IQUB: variants seen among roughly 807,000 people sequenced by gnomAD.
IQUB encodes IQ motif and ubiquitin-like domain-containing protein.
Under a neutral mutation model 86.4 loss-of-function variants are expected in IQUB, and 86 were observed. The ratio of observed to expected loss-of-function variants is 1.00; its 90% CI spans 0.84 to 1.19. The LOEUF is 1.19. Among genes scored for constraint, IQUB ranks in the 50% most tolerant of loss-of-function variants. The pLI is 0.00. For synonymous variants in IQUB, 289 were observed against 304.5 expected, an observed-to-expected ratio of 0.95 and a Z score of 0.53; for missense variants, 946 against 916.9, an observed-to-expected ratio of 1.03 and a Z score of -0.41.
chr7:123,476,309 T>C (rs1794742600), intron 8 of IQUB, among the ~76,000 whole-genome samples: 1 of 152,110 alleles, frequency 6.6e-6, no homozygotes, highest in Non-Finnish European at 1.5e-5. Flanking sequence ...TCTGAGCTTG[T>C]TTCAGGGTCA....
intron 7 of IQUB, among the ~76,000 whole-genome samples, chr7:123,483,651 G>A (rs1414403101): frequency 2.0e-5 from 3 of 151,988 alleles, no homozygotes; most frequent in African/African-American, 7.2e-5. Context: ...CTCCTTGGCT[G>A]GACATACTAT....
intron 1 of IQUB, among the ~76,000 whole-genome samples, chr7:123,515,898 C>T (rs12535069): frequency 0.8 from 121,166 of 152,046 alleles, 48,309 homozygotes; most frequent in Admixed American, 0.82. Context: ...GGTTAGAAAA[C>T]ATACCAAAGC....
intron 11 of IQUB, among the ~76,000 whole-genome samples, chr7:123,459,082 G>C (rs940008180): frequency 2.6e-5 from 4 of 151,794 alleles, no homozygotes. Context: ...CAATTACAAG[G>C]GGGGGGAAGC....
chr7:123,455,411 C>T (rs1403078901), intron 12 of IQUB, among the ~76,000 whole-genome samples: 1 of 152,080 alleles, frequency 6.6e-6, no homozygotes, highest in East Asian at 1.9e-4. Flanking sequence ...TTCTACATTA[C>T]ATTTTTTATT....
chr7:123,503,352 T>A lies in IQUB; in HGVS notation c.544A>T (p.Lys182Ter). ...TGTTGTACTAGAGTCTCATTATTTT[T>A]AAGAATTTTTCCTAAAAATTGAAAT... is the stretch of plus-strand genomic sequence containing the variant. Reference protein sequence around the residue: ...LQIRYSGKILKNNETLVQHGV... With the variant: ...LQIRYSGKIL Residue 182 changes from lysine (K) to a stop codon, truncating the protein, a stop_gained, in exon 4 of 13, where the codon AAA (lysine) becomes TAA (stop). Coordinates refer to ENST00000324698, the MANE Select transcript of IQUB (RefSeq NM_178827.5). LOFTEE classifies it high-confidence loss of function. 1 of 1,504,264 alleles carries A rather than the reference T, an allele frequency of 6.6e-7. No homozygotes were observed. Among genetic ancestry groups the A allele is most frequent in the Non-Finnish European group, 9.0e-7 (1 of 1,115,484 alleles). The allele number at this position is 1,504,264 out of a possible 1,614,324, so 93.2% of individuals were successfully genotyped here.
chr7:123,501,001 G>A lies in IQUB; in HGVS notation c.1023+1596C>T, dbSNP rs541852495. 1.2e-4 allele frequency: 18 copies of A among 152,154 alleles called. No homozygotes were observed. In the East Asian group the frequency reaches 3.3e-3, roughly 28 times the overall value. 9.4% of individuals were successfully genotyped at this position (152,154 alleles called of 1,614,324 possible). A position where few individuals can be genotyped will look rare whatever the true frequency, so the allele number is the denominator to read the frequency against. ...CTCTTACTAAGATTGCAATCTCATT[G>A]AGGAGCAATGATATGCTACTTTAAA... On this transcript the variant is annotated intron_variant, in intron 6 of 12. Coordinates refer to ENST00000324698, the MANE Select transcript of IQUB (RefSeq NM_178827.5).
chr7:123,481,806 T>C lies in IQUB; in HGVS notation c.1235-1836A>G, dbSNP rs79587552. On this transcript the variant is annotated intron_variant, in intron 7 of 12. Coordinates refer to ENST00000324698, the MANE Select transcript of IQUB (RefSeq NM_178827.5). ...TCACTGCAGAAGATAGTAACAACTA[T>C]GAGTTTATGCAAAAAAAGAAAAAAT... 8.8e-3 allele frequency among the ~76,000 whole-genome samples: 1,344 copies of C among 152,152 alleles called. 19 individuals carry two copies. Among genetic ancestry groups the C allele is most frequent in the African/African-American group, 0.03 (1,255 of 41,528 alleles).
At chr7:123,471,630 T>C (rs937007197) in intron 8 of IQUB, among the ~76,000 whole-genome samples, 18 of 146,126 alleles carry the variant, frequency 1.2e-4, no homozygotes, top group Admixed American at 1.1e-3. Flanking sequence ...TTAACTCTGT[T>C]TTCCCCCCCA....
At chr7:123,462,490 C>A (rs559482815) in intron 10 of IQUB, among the ~76,000 whole-genome samples, 12 of 151,866 alleles carry the variant, frequency 7.9e-5, no homozygotes, top group South Asian at 4.1e-4. Flanking sequence ...CCTAAACACT[C>A]CATCTTCCCA....
At chr7:123,472,304 T>G (rs1161821433) in intron 8 of IQUB, among the ~76,000 whole-genome samples, 7 of 151,988 alleles carry the variant, frequency 4.6e-5, no homozygotes, top group Non-Finnish European at 2.9e-5. Flanking sequence ...AAATTTCTCA[T>G]GTAGTTCTAT....
At chr7:123,510,493 A>T (rs983096069) in intron 2 of IQUB, among the ~76,000 whole-genome samples, 3 of 152,146 alleles carry the variant, frequency 2.0e-5, no homozygotes, top group Admixed American at 1.3e-4. Flanking sequence ...ACATTAAAAA[A>T]TTTTTAAATG....
intron 1 of IQUB, among the ~76,000 whole-genome samples, chr7:123,529,166 T>C (rs937599795): frequency 2.0e-5 from 3 of 152,154 alleles, no homozygotes; most frequent in Non-Finnish European, 4.4e-5. Flanking sequence ...ATTTCAGACA[T>C]GCTAATTTTA....
rs559248458 is a variant in IQUB, at chr7:123,517,022, T to C, written c.-4-4678A>G. Among the ~76,000 whole-genome samples, 7 of 152,246 alleles carry C rather than the reference T, an allele frequency of 4.6e-5. No individual in the cohort carries two copies. The South Asian group carries it at 1.2e-3, about 27-fold the overall frequency. Reference sequence around the variant, plus strand: ...AGATAGCATGAGCTTTATATTCACATAGGATCCCTGTGCCCCCAAATCCCA... The same window carrying C: ...AGATAGCATGAGCTTTATATTCACACAGGATCCCTGTGCCCCCAAATCCCA... On this transcript the variant is annotated intron_variant, in intron 1 of 12. Coordinates refer to ENST00000324698, the MANE Select transcript of IQUB (RefSeq NM_178827.5).
In IQUB at chr7:123,503,083, A is replaced by G. The variant is rs1353687560; in HGVS notation, c.728T>C (p.Ile243Thr). Residue 243 changes from isoleucine to threonine, a missense_variant, in exon 5 of 13, where the codon ATT becomes ACT. Ile to Thr is a moderately conservative substitution (Grantham distance 89). Transcript: ENST00000324698. ...LDQYQQVPVE[I>T]VKSDFHKPFL... ...TGGTTTGTGAAAGTCAGATTTGACAATCTCAACAGGTACCTGCTGGTATTG... is the reference window on the plus strand; with the variant it reads ...TGGTTTGTGAAAGTCAGATTTGACAGTCTCAACAGGTACCTGCTGGTATTG... 10 of 1,613,464 alleles carry G rather than the reference A, an allele frequency of 6.2e-6. No individual in the cohort carries two copies. The highest frequency in any genetic ancestry group is 1.6e-4 in the Middle Eastern group (1 of 6,080).
intron 7 of IQUB, among the ~76,000 whole-genome samples, chr7:123,482,324 T>A (rs534201027): frequency 6.6e-6 from 1 of 152,022 alleles, no homozygotes; most frequent in Non-Finnish European, 1.5e-5. Flanking sequence ...AATGATTTTT[T>A]AAAAATTAAA....
chr7:123,467,700 C>CTT (rs1794327638), intron 9 of IQUB, among the ~76,000 whole-genome samples: 7 of 152,094 alleles, frequency 4.6e-5, no homozygotes, highest in Non-Finnish European at 1.0e-4. Context: ...GATTTCTTGA[C>CTT]CTGTGGAGTA....
intron 1 of IQUB, among the ~76,000 whole-genome samples, chr7:123,522,681 C>T (rs948296203): frequency 2.0e-5 from 3 of 151,952 alleles, no homozygotes; most frequent in South Asian, 2.1e-4. Context: ...CATAATTACT[C>T]GTTTTATAAA....
chr7:123,513,414 A>T (rs1292058966), intron 1 of IQUB, among the ~76,000 whole-genome samples: 1 of 152,218 alleles, frequency 6.6e-6, no homozygotes, highest in Non-Finnish European at 1.5e-5. Context: ...GCCATGGAAA[A>T]GAAAGCCTAG....
intron 3 of IQUB, among the ~76,000 whole-genome samples, chr7:123,508,587 G>A (rs1464803128): frequency 6.6e-6 from 1 of 152,186 alleles, no homozygotes; most frequent in African/African-American, 2.4e-5. Context: ...GTGATGCCTG[G>A]TACCTAAAGA....
Sources: allele counts gnomAD v4.1 joint callset (sites outside exome capture counted in the v4.1 genomes callset), GRCh38; gene constraint gnomAD v4.1.1; transcripts MANE v1.5; gene names NCBI Gene and HGNC (gene_info 2026-07-23, HGNC 2026-07-21).